NHSL1: variants seen among roughly 807,000 people sequenced by gnomAD.
The protein encoded by NHSL1 is NHS like 1.
A neutral mutation model predicts 95.0 loss-of-function variants in NHSL1; 48 were observed. The ratio of observed to expected loss-of-function variants is 0.51; its 90% CI spans 0.40 to 0.64. The LOEUF is 0.64. Among genes scored for constraint, NHSL1 ranks in the 30% least tolerant of loss-of-function variants. The pLI is 0.00. For missense variants in NHSL1, 1,971 were observed against 2,077.7 expected, an observed-to-expected ratio of 0.95 and a Z score of 1.00; for synonymous variants, 783 against 833.9, an observed-to-expected ratio of 0.94 and a Z score of 1.05.
chr6:138,567,730 T>C (rs966131315), intron 1 of NHSL1, among the ~76,000 whole-genome samples: 3 of 152,146 alleles, frequency 2.0e-5, no homozygotes, highest in African/African-American at 7.2e-5. Flanking sequence ...CCTAGTATGG[T>C]CATTCTCTGG....
chr6:138,485,135 C>T (rs1439198131), intron 2 of NHSL1, among the ~76,000 whole-genome samples: 1 of 152,166 alleles, frequency 6.6e-6, no homozygotes, highest in Non-Finnish European at 1.5e-5. Context: ...ACCAAGGTTA[C>T]TCAAGATCAA....
intron 7 of NHSL1, among the ~76,000 whole-genome samples, chr6:138,425,314 C>T (rs1775191375): frequency 6.6e-6 from 1 of 152,110 alleles, no homozygotes; most frequent in Admixed American, 6.5e-5. Flanking sequence ...CCAGGCTGGT[C>T]TCAAACTCCT....
intron 1 of NHSL1, among the ~76,000 whole-genome samples, chr6:138,615,924 TTA>T (rs1784573006): frequency 6.6e-6 from 1 of 152,210 alleles, no homozygotes; most frequent in Non-Finnish European, 1.5e-5. Flanking sequence ...CCCCAGGCGC[TTA>T]TGTCTGTAGT....
At chr6:138,501,089 C>CA (rs995145105), upstream of NHSL1, among the ~76,000 whole-genome samples, 3 of 152,188 alleles carry the variant, frequency 2.0e-5, no homozygotes, top group African/African-American at 7.2e-5. Flanking sequence ...CTCATATGCA[C>CA]AATCCACAAG....
At chr6:138,653,884 A>G (rs1267548727) in intron 1 of NHSL1, among the ~76,000 whole-genome samples, 3 of 152,170 alleles carry the variant, frequency 2.0e-5, no homozygotes, top group Admixed American at 1.3e-4. Context: ...TTTATATTCT[A>G]TTTCTTTGTT....
chr6:138,658,194 G>C (rs1785182516), intron 1 of NHSL1, among the ~76,000 whole-genome samples: 1 of 152,068 alleles, frequency 6.6e-6, no homozygotes. Flanking sequence ...ATATATTTAA[G>C]GTGTACAACA....
chr6:138,569,079 C>A (rs1029756728), intron 1 of NHSL1, among the ~76,000 whole-genome samples: 2 of 152,160 alleles, frequency 1.3e-5, no homozygotes, highest in African/African-American at 4.8e-5. Flanking sequence ...AACAGGCAAG[C>A]AGTGTGGCCT....
In NHSL1 at chr6:138,599,099, G is replaced by C. The variant is rs1784338666; in HGVS notation, c.96+93377C>G. On this transcript the variant is annotated intron_variant, in intron 1 of 3. Transcript: ENST00000491526. ...TATTTGTCTGTTACCTCTTGACCCA[G>C]GCACAGAGTATAACCTAAGAAAACA... Among the ~76,000 whole-genome samples, 6 of 152,182 alleles carry C rather than the reference G, an allele frequency of 3.9e-5. No homozygotes were observed. In the South Asian group the frequency reaches 1.2e-3, roughly 32 times the overall value.
intron 1 of NHSL1, among the ~76,000 whole-genome samples, chr6:138,535,238 T>C (rs1714609545): frequency 6.6e-6 from 1 of 152,062 alleles, no homozygotes; most frequent in Non-Finnish European, 1.5e-5. Context: ...CAATAGAATT[T>C]TCTGCCAAAT....
chr6:138,533,894 C>G (rs1455435702), intron 1 of NHSL1, among the ~76,000 whole-genome samples: 1 of 152,226 alleles, frequency 6.6e-6, no homozygotes, highest in East Asian at 1.9e-4. Flanking sequence ...TGCTTATCTT[C>G]CTTCCAGTCA....
At chr6:138,553,070 A>G (rs1285443577) in intron 1 of NHSL1, among the ~76,000 whole-genome samples, 2 of 150,536 alleles carry the variant, frequency 1.3e-5, no homozygotes, top group African/African-American at 4.9e-5. Context: ...CCTCCAGAGG[A>G]AAAAAAAAAT....
At position 138,431,439 on chromosome 6, in the gene NHSL1, GGAGA is replaced by G; in HGVS notation, c.2902_2905del (p.Ser968LeufsTer29). The G allele has an allele frequency of 1.9e-6, 3 of 1,551,016 alleles. No homozygotes were observed. The highest frequency in any genetic ancestry group is 2.6e-6 in the Non-Finnish European group (3 of 1,146,940). ...TTCTGGCGGCGGAGGGGGGAACACAGGAGAGTGAGGCAGAGGAGAGCCCTGGGAG... is the reference window on the plus strand; with the variant it reads ...TTCTGGCGGCGGAGGGGGGAACACAGGTGAGGCAGAGGAGAGCCCTGGGAG... On this transcript the variant is annotated frameshift_variant, in exon 6 of 8. Transcript: ENST00000343505. LOFTEE classifies it high-confidence loss of function. The surrounding 1 kb of genome is among the most constrained non-coding windows in gnomAD (Gnocchi z 4.0).
In NHSL1 at chr6:138,433,295, C is replaced by T; in HGVS notation, c.1050G>A (p.Met350Ile). 6.4e-7 allele frequency: 1 copy of T among 1,551,714 alleles called. No homozygotes were observed. Among genetic ancestry groups the T allele is most frequent in the Non-Finnish European group, 8.7e-7 (1 of 1,146,984 alleles). Residue 350 changes from methionine to isoleucine, a missense_variant, in exon 6 of 8, where the codon ATG (methionine) becomes ATA (isoleucine). By Grantham distance (10) the Met-to-Ile change is conservative. Coordinates refer to ENST00000343505, the MANE Select transcript of NHSL1 (RefSeq NM_001144060.2). ...CTCTCTGGTAGAGGAAAGTGCCATT[C>T]ATGTCTCCTGCAGGGCCGAGGGCAC... ...RLGALGPAGD[M>I]NGTFLYQRGH...
At chr6:138,641,284 CA>C in intron 1 of NHSL1, among the ~76,000 whole-genome samples, 1 of 152,086 alleles carries the variant, frequency 6.6e-6, no homozygotes, top group Non-Finnish European at 1.5e-5. Flanking sequence ...AGGAAAACAC[CA>C]AAACCTGGAT....
chr6:138,541,959 G>A (rs573837811), intron 1 of NHSL1, among the ~76,000 whole-genome samples: 5 of 152,210 alleles, frequency 3.3e-5, no homozygotes, highest in Admixed American at 6.5e-5. Flanking sequence ...TTTTACATGC[G>A]GTCCACTGAA....
intron 1 of NHSL1, among the ~76,000 whole-genome samples, chr6:138,668,310 G>A (rs1175566988): frequency 1.3e-5 from 2 of 152,102 alleles, no homozygotes; most frequent in Non-Finnish European, 2.9e-5. Flanking sequence ...AAGCATGGTG[G>A]CTCATGCCTG....
chr6:138,485,812 G>A (rs189183685), intron 2 of NHSL1, among the ~76,000 whole-genome samples: 4 of 152,262 alleles, frequency 2.6e-5, no homozygotes, highest in Admixed American at 2.0e-4. Flanking sequence ...AGAGCCAAAT[G>A]AAATACCACA....
chr6:138,550,563 C>T (rs570134535), upstream of NHSL1, among the ~76,000 whole-genome samples: 76 of 152,298 alleles, frequency 5.0e-4, no homozygotes, highest in Middle Eastern at 3.4e-3. Context: ...CATCCAGCAT[C>T]ATGTTAAAGT....
At chr6:138,542,570 T>G (rs9484172) in intron 1 of NHSL1, among the ~76,000 whole-genome samples, 1,666 of 152,322 alleles carry the variant, frequency 0.011, 30 homozygotes, top group African/African-American at 0.038. Context: ...AACATCAGTC[T>G]GTAATGGTTT....
Sources: allele counts gnomAD v4.1 joint callset (sites outside exome capture counted in the v4.1 genomes callset), GRCh38; gene constraint gnomAD v4.1.1; non-coding constraint Gnocchi (gnomAD v3.1); transcripts MANE v1.5; gene names NCBI Gene and HGNC (gene_info 2026-07-23, HGNC 2026-07-21).